SRGAP3: variants seen among roughly 807,000 people sequenced by gnomAD.
The protein encoded by SRGAP3 is SLIT-ROBO Rho GTPase activating protein 3, also known as SLIT-ROBO Rho GTPase-activating protein 3.
SRGAP3 carries 39 observed loss-of-function variants against 121.1 expected under a neutral mutation model. The observed-to-expected ratio is 0.32, with a 90% CI of 0.25 to 0.42. SRGAP3 has a LOEUF of 0.42. Among genes scored for constraint, SRGAP3 ranks in the 10% least tolerant of loss-of-function variants. The probability of loss-of-function intolerance (pLI) is 1.00; values close to 1 mark genes in which losing one functional copy is unlikely to be tolerated. For synonymous variants in SRGAP3, 601 were observed against 570.0 expected (o/e 1.05, Z -0.77); for missense variants, 1,213 against 1,470.6 (o/e 0.82, Z 2.86).
At chr3:9,221,883 G>A (rs929778450) in intron 1 of SRGAP3, among the ~76,000 whole-genome samples, 1 of 152,222 alleles carries the variant, frequency 6.6e-6, no homozygotes, top group African/African-American at 2.4e-5. Flanking sequence ...TTACTACTAT[G>A]TATTGGTTTT....
intron 3 of SRGAP3, among the ~76,000 whole-genome samples, chr3:9,294,741 T>TGTGTGTGTGTGTGTGTGTG (rs1491131145): frequency 8.2e-5 from 12 of 145,962 alleles, no homozygotes; most frequent in South Asian, 2.2e-4. Flanking sequence ...TGTGTGTGTG[T>TGTGTGTGTGTGTGTGTGTG]TTGGGAGGGC....
chr3:9,006,410 A>AAAAAGAAAAG (rs1559892472), intron 18 of SRGAP3, among the ~76,000 whole-genome samples: 2 of 151,468 alleles, frequency 1.3e-5, no homozygotes, highest in African/African-American at 4.9e-5. Flanking sequence ...AAAAAAAAAA[A>AAAAAGAAAAG]AAAAGAAAAG....
intron 3 of SRGAP3, 65 bp downstream of exon 3, chr3:9,104,611 TGGTA>T: frequency 6.3e-7 from 1 of 1,595,368 alleles, no homozygotes; most frequent in South Asian, 1.1e-5. Flanking sequence ...CCACCCTGGC[TGGTA>T]TACTGTTACC....
intron 3 of SRGAP3, among the ~76,000 whole-genome samples, chr3:9,277,647 G>A (rs1954609889): frequency 6.6e-6 from 1 of 151,138 alleles, no homozygotes; most frequent in African/African-American, 2.4e-5. Flanking sequence ...AGGTGTGGTG[G>A]CACACACCTG....
chr3:9,045,635 A>G (rs1277408945), intron 10 of SRGAP3, among the ~76,000 whole-genome samples: 1 of 152,134 alleles, frequency 6.6e-6, no homozygotes, highest in Non-Finnish European at 1.5e-5. Context: ...CCTTTGTCAG[A>G]TAAGGGCCGC....
At chr3:9,179,189 C>T (rs1951289941) in intron 1 of SRGAP3, among the ~76,000 whole-genome samples, 1 of 152,190 alleles carries the variant, frequency 6.6e-6, no homozygotes, top group African/African-American at 2.4e-5. Context: ...CTGACTCCTG[C>T]CAGCGTATCC....
intron 1 of SRGAP3, among the ~76,000 whole-genome samples, chr3:9,213,754 C>T (rs1356400433): frequency 6.6e-6 from 1 of 152,236 alleles, no homozygotes; most frequent in Non-Finnish European, 1.5e-5. Context: ...GCCAACCTCT[C>T]CCACTTCTTG....
chr3:9,014,726 A>C (rs972523913), intron 15 of SRGAP3: 2 of 152,190 alleles, frequency 1.3e-5, no homozygotes, highest in African/African-American at 4.8e-5. Flanking sequence ...CACAATAAAA[A>C]AGAGCTCAAA....
chr3:9,304,757 T>C (rs1955128856), intron 3 of SRGAP3, among the ~76,000 whole-genome samples: 1 of 152,180 alleles, frequency 6.6e-6, no homozygotes, highest in African/African-American at 2.4e-5. Flanking sequence ...GGGATGCATC[T>C]TCCCAGGGCT....
chr3:9,184,884 C>T (rs1289445794), intron 1 of SRGAP3, among the ~76,000 whole-genome samples: 1 of 152,050 alleles, frequency 6.6e-6, no homozygotes, highest in Non-Finnish European at 1.5e-5. Flanking sequence ...CAGCTTGGAC[C>T]CCACCCTGTG....
chr3:9,060,156 C>G, intron 6 of SRGAP3, 75 bp downstream of exon 6: 1 of 1,608,220 alleles, frequency 6.2e-7, no homozygotes, highest in Non-Finnish European at 8.5e-7. Context: ...CAAAGACCAG[C>G]CCCTCCTTCA....
At chr3:9,192,561 C>T (rs1240949950) in intron 1 of SRGAP3, 1 of 152,056 alleles carries the variant, frequency 6.6e-6, no homozygotes, top group Non-Finnish European at 1.5e-5. Flanking sequence ...GTGACTCCCC[C>T]GGGAGAGGAC....
intron 1 of SRGAP3, among the ~76,000 whole-genome samples, chr3:9,357,733 C>T (rs1412472933): frequency 1.3e-5 from 2 of 151,986 alleles, no homozygotes; most frequent in Non-Finnish European, 2.9e-5. Flanking sequence ...TATTTATTTT[C>T]ATTATTTGCC....
chr3:9,331,053 CAG>C (rs1955597460), intron 1 of SRGAP3, among the ~76,000 whole-genome samples: 1 of 152,316 alleles, frequency 6.6e-6, no homozygotes, highest in East Asian at 1.9e-4. Context: ...AAAAGATTGA[CAG>C]TAACTAAATC....
chr3:9,127,500 T>C (rs1949281079), intron 1 of SRGAP3, among the ~76,000 whole-genome samples: 1 of 152,070 alleles, frequency 6.6e-6, no homozygotes, highest in Non-Finnish European at 1.5e-5. Flanking sequence ...CAGGCTGGAG[T>C]GCAGCGGCCC....
chr3:9,092,840 TC>T (rs1247500102), intron 3 of SRGAP3, among the ~76,000 whole-genome samples: 1 of 152,150 alleles, frequency 6.6e-6, no homozygotes, highest in African/African-American at 2.4e-5. Context: ...GGCTTCCAAG[TC>T]GAGGTAGCTG....
intron 3 of SRGAP3, among the ~76,000 whole-genome samples, chr3:9,280,892 C>T (rs551307245): frequency 5.1e-4 from 78 of 152,128 alleles, no homozygotes; most frequent in Non-Finnish European, 9.3e-4. Flanking sequence ...AGACTAACAC[C>T]GATTATTTCC....
At chr3:9,099,284 GTCTT>G (rs1297460940) in intron 3 of SRGAP3, among the ~76,000 whole-genome samples, 1 of 152,022 alleles carries the variant, frequency 6.6e-6, no homozygotes, top group Non-Finnish European at 1.5e-5. Flanking sequence ...TCTGCAAAGA[GTCTT>G]TCCTCATTAG....
chr3:9,348,343 G>A, intron 1 of SRGAP3: 6 of 431,218 alleles, frequency 1.4e-5, no homozygotes, highest in South Asian at 1.3e-4. Context: ...AGAGTGGAAA[G>A]AAAAGGGAGA....
Sources: gnomAD v4.1 joint callset for allele counts (sites outside exome capture counted in the v4.1 genomes callset) on GRCh38, gnomAD v4.1.1 for gene constraint, MANE v1.5 for transcripts, NCBI Gene and HGNC (gene_info 2026-07-23, HGNC 2026-07-21) for gene names.